AGRN: variants seen among roughly 807,000 people sequenced by gnomAD.
The protein encoded by AGRN is agrin, also known as agrin proteoglycan.
Under a neutral mutation model 211.0 loss-of-function variants are expected in AGRN, and 106 were observed. That is an observed-to-expected ratio of 0.50 (90% CI 0.43 to 0.59). The LOEUF (loss-of-function observed/expected upper bound fraction) is 0.59, where lower values mean the gene tolerates loss of function less well. Among genes scored for constraint, AGRN ranks in the 20% least tolerant of loss-of-function variants. AGRN has a pLI of 0.00. For synonymous variants in AGRN, 1,525 were observed against 1,332.5 expected (o/e 1.14, Z -3.15); for missense variants, 3,040 against 2,982.6 (o/e 1.02, Z -0.45).
In AGRN at chr1:1,045,535, G is replaced by A. The variant is rs773557067; in HGVS notation, c.2536+12G>A. ...GAGTGGCTGTACACGTGAGTGACAG[G>A]GCCCAGGACTGGCCACCGGCTATGC... On this transcript the variant is annotated intron_variant, in intron 14 of 35. Transcript: ENST00000379370. 5 of 1,612,172 alleles carry A rather than the reference G, an allele frequency of 3.1e-6. No individual in the cohort carries two copies. The highest frequency in any genetic ancestry group is 4.2e-6 in the Non-Finnish European group (5 of 1,179,650).
chr1:1,023,038 G>A (rs1037701081), intron 2 of AGRN, among the ~76,000 whole-genome samples: 4 of 152,230 alleles, frequency 2.6e-5, no homozygotes, highest in Non-Finnish European at 4.4e-5. Context: ...GGCAGCCCCC[G>A]CAGGACAAGT....
intron 33 of AGRN, chr1:1,053,286 CG>C: frequency 2.2e-6 from 1 of 456,156 alleles, no homozygotes; most frequent in Non-Finnish European, 3.6e-6. Flanking sequence ...GTCTCGTGTC[CG>C]CACAAGCATG....
In AGRN at chr1:1,045,831, C is replaced by T. The variant is rs749769980; in HGVS notation, c.2635C>T (p.Gln879Ter). 1.9e-6 allele frequency: 3 copies of T among 1,612,496 alleles called. No individual in the cohort carries two copies. The highest frequency in any genetic ancestry group is 2.5e-6 in the Non-Finnish European group (3 of 1,179,914). ...KPGVAGPKCG[Q>*]CPDGRALGPA... is the part of the protein sequence containing the mutation. Reference sequence around the variant, plus strand: ...CGGGGTGGCTGGACCCAAGTGTGGGCAGTGTCCAGACGGCCGTGCCCTGGG... The same window carrying T: ...CGGGGTGGCTGGACCCAAGTGTGGGTAGTGTCCAGACGGCCGTGCCCTGGG... The change falls in exon 15 of 36, where the codon CAG becomes TAG. Residue 879 changes from glutamine to a stop codon, truncating the protein, a stop_gained. Transcript: ENST00000379370. LOFTEE classifies it high-confidence loss of function.
chr1:1,033,355 G>GCGGGCACACGCACGACGA (rs1644715923), intron 2 of AGRN, among the ~76,000 whole-genome samples: 5 of 151,486 alleles, frequency 3.3e-5, no homozygotes, highest in African/African-American at 9.7e-5. Flanking sequence ...GCAGACACTC[G>GCGGGCACACGCACGACGA]CGGGCACACG....
Position 1,046,243 on chromosome 1 carries a change from C to G in AGRN, c.2889C>G (p.Ile963Met). The change falls in exon 17 of 36, where the codon ATC (isoleucine) becomes ATG (methionine). Residue 963 changes from isoleucine (I) to methionine (M), a missense_variant. Ile to Met is a conservative substitution (Grantham distance 10). Transcript: ENST00000379370. The part of the protein sequence containing the change: ...IACRQGLQIS[I>M]QSLGPCQEAV... ...GCCGCCAGGGCCTGCAAATCTCTAT[C>G]CAGAGCCTGGGCCCGTGCCAGGGTG... The G allele has an allele frequency of 6.2e-7, 1 of 1,613,570 alleles. No homozygotes were observed. Among genetic ancestry groups the G allele is most frequent in the Non-Finnish European group, 8.5e-7 (1 of 1,179,994 alleles).
intron 25 of AGRN, 45 bp downstream of exon 25, chr1:1,049,496 G>A: frequency 6.3e-7 from 1 of 1,598,762 alleles, no homozygotes; most frequent in South Asian, 1.1e-5. Flanking sequence ...CGGCCCTTTG[G>A]GGTCCCGGTG....
chr1:1,029,824 CGTGT>C (rs200416055), intron 2 of AGRN, among the ~76,000 whole-genome samples: 1 of 63,490 alleles, frequency 1.6e-5, no homozygotes, highest in Admixed American at 1.8e-4. Flanking sequence ...GTGAGATCAG[CGTGT>C]GTGTGTGTGC....
At position 1,021,619 on chromosome 1, in the gene AGRN, G is replaced by A. The variant is rs537169611; in HGVS notation, c.202-582G>A. Among the ~76,000 whole-genome samples the A allele has an allele frequency of 6.0e-4, 91 of 152,392 alleles. No individual in the cohort carries two copies. In the Middle Eastern group the frequency reaches 0.027, roughly 46 times the overall value. ...GCTGTAGCCTTTACCACAGGCCACC[G>A]TCAGAGCAGCTGCCCTCAGGGCCCC... On this transcript the variant is annotated intron_variant, in intron 1 of 35. Transcript: ENST00000379370.
chr1:1,038,287 G>A (rs1644848809), intron 3 of AGRN, among the ~76,000 whole-genome samples: 1 of 152,158 alleles, frequency 6.6e-6, no homozygotes, highest in South Asian at 2.1e-4. Flanking sequence ...TGGGGATGGG[G>A]AGCCAGTGCT....
rs1250140651 is a variant in AGRN, at chr1:1,049,361, C to T, written c.4424C>T (p.Pro1475Leu). 1.3e-6 allele frequency: 2 copies of T among 1,598,262 alleles called. No homozygotes were observed. The highest frequency in any genetic ancestry group is 1.7e-5 in the Admixed American group (1 of 59,960). ...ACCCTCTCGGTGGATGGTGAGACCC[C>T]TGTTCTGGGCGAGAGTCCCAGTGGC... Reference protein sequence around the residue: ...RGTLSVDGETPVLGESPSGTD... With the variant: ...RGTLSVDGETLVLGESPSGTD... The change falls in exon 25 of 36, where the codon CCT (proline) becomes CTT (leucine). Residue 1475 changes from proline (P) to leucine (L), a missense_variant. Transcript: ENST00000379370.
chr1:1,020,457 C>G (rs907891548), intron 1 of AGRN, 84 bp downstream of exon 1: 5 of 1,330,628 alleles, frequency 3.8e-6, no homozygotes, highest in Non-Finnish European at 5.0e-6. Context: ...GAACCAGCCC[C>G]GGTCGCTCCG....
At chr1:1,040,340 G>C (rs1354270583) in intron 3 of AGRN, among the ~76,000 whole-genome samples, 1 of 152,228 alleles carries the variant, frequency 6.6e-6, no homozygotes, top group East Asian at 1.9e-4. Flanking sequence ...GAGGTGGGTG[G>C]GAAGTGGGTG....
rs769494139 is a variant in AGRN, at chr1:1,049,927, G to GCCCCTGCCAGCCCAA, written c.4779_4793dup (p.Gln1593_Cys1597dup). The GCCCCTGCCAGCCCAA allele has an allele frequency of 6.2e-6, 10 of 1,611,188 alleles. No homozygotes were observed. The South Asian group carries it at 1.1e-4, about 18-fold the overall frequency. Reference sequence around the variant, plus strand: ...GGACCAACCTGTGCCGATGAGAAGAGCCCCTGCCAGCCCAACCCCTGCCAT... The same window carrying GCCCCTGCCAGCCCAA: ...GGACCAACCTGTGCCGATGAGAAGAGCCCCTGCCAGCCCAACCCCTGCCAGCCCAACCCCTGCCAT... On this transcript the variant is annotated inframe_insertion, in exon 27 of 36. Coordinates refer to ENST00000379370, the MANE Select transcript of AGRN (RefSeq NM_198576.4).
rs1421835521 is a variant in AGRN at position 1,055,332 on chromosome 1, G to A, written c.*351G>A. 2 of 384,136 alleles carry A rather than the reference G, an allele frequency of 5.2e-6. No individual in the cohort carries two copies. The highest frequency in any genetic ancestry group is 1.0e-5 in the Non-Finnish European group (2 of 198,806). The allele number at this position is 384,136 out of a possible 1,614,324, so 23.8% of individuals were successfully genotyped here. On this transcript the variant is annotated 3_prime_UTR_variant, in exon 36 of 36. Coordinates refer to ENST00000379370, the MANE Select transcript of AGRN (RefSeq NM_198576.4). ...GGGACTCGTGTCCCAGAGAGGAAGG[G>A]GCTGCTGAGGTCTGATGGGGCCCTT... is the stretch of plus-strand genomic sequence containing the variant.
At chr1:1,050,971 C>G (rs1222749816) in intron 30 of AGRN, 134 bp downstream of exon 30, 1 of 1,550,152 alleles carries the variant, frequency 6.5e-7, no homozygotes, top group African/African-American at 1.4e-5. Context: ...TGTCCTCTGC[C>G]TCCTCTGCCT....
chr1:1,054,976 C>T lies in AGRN; in HGVS notation c.6133C>T (p.Pro2045Ser), dbSNP rs1452073686. ...TKPELRPCPT[P>S] ...GCCAGAGCTGCGGCCCTGCCCCACC[C>T]CATGAGCTGGCACCAGAGCCCCGCG... The change falls in exon 36 of 36, where the codon CCA becomes TCA. Residue 2045 changes from proline to serine, a missense_variant. By Grantham distance (74) the Pro-to-Ser change is moderately conservative. Around this residue, in one of 3 missense-constraint regions of AGRN, gnomAD observed 1,537 missense variants for 1,505.0 expected, o/e 1.02. Coordinates refer to ENST00000379370, the MANE Select transcript of AGRN (RefSeq NM_198576.4). 6.5e-7 allele frequency: 1 copy of T among 1,548,692 alleles called. No individual in the cohort carries two copies. Among genetic ancestry groups the T allele is most frequent in the Non-Finnish European group, 8.7e-7 (1 of 1,147,042 alleles).
intron 33 of AGRN, 136 bp downstream of exon 33, chr1:1,051,951 C>T (rs899299497): frequency 1.2e-5 from 19 of 1,548,408 alleles, no homozygotes; most frequent in Middle Eastern, 1.7e-4. Flanking sequence ...CTCTCACCTC[C>T]CGGTCCTCCC....
chr1:1,034,234 C>T (rs949055811), intron 2 of AGRN: 11 of 985,228 alleles, frequency 1.1e-5, no homozygotes, highest in Non-Finnish European at 1.3e-5. Context: ...TCCGGGAAGA[C>T]CGAGCGCTGG....
Position 1,034,045 on chromosome 1 carries a change from C to A in AGRN, c.464-1232C>A, listed in dbSNP as rs946747952. On this transcript the variant is annotated intron_variant, in intron 2 of 35. Coordinates refer to ENST00000379370, the MANE Select transcript of AGRN (RefSeq NM_198576.4). ...AGGGGAGCTGGAGGGAGCCCGGGAC[C>A]CGGCGCGGCCTCCGCAGGCGGCGCT... 9 of 874,902 alleles carry A rather than the reference C, an allele frequency of 1.0e-5. No homozygotes were observed. The African/African-American group carries it at 1.3e-4, about 12-fold the overall frequency. 54.2% of individuals were successfully genotyped at this position (874,902 alleles called of 1,614,324 possible). A position where few individuals can be genotyped will look rare whatever the true frequency, so the allele number is the denominator to read the frequency against.
Sources: gnomAD v4.1 joint callset for allele counts (sites outside exome capture counted in the v4.1 genomes callset) on GRCh38, gnomAD v4.1.1 for gene constraint, gnomAD v4.1.1 regional missense constraint, MANE v1.5 for transcripts, NCBI Gene and HGNC (gene_info 2026-07-23, HGNC 2026-07-21) for gene names.